The following DHX33 variants were observed in gnomAD, a reference collection of about 807,000 sequenced individuals.
DHX33 encodes the protein ATP-dependent RNA helicase DHX33.
A neutral mutation model predicts 72.5 loss-of-function variants in DHX33; 42 were observed. The observed-to-expected ratio is 0.58, with a 90% CI of 0.45 to 0.75. The LOEUF is 0.75. DHX33 is among the 30% of genes least tolerant of loss of function. The probability of loss-of-function intolerance (pLI) is 0.00; values close to 1 mark genes in which losing one functional copy is unlikely to be tolerated. For missense variants in DHX33, 842 were observed against 917.5 expected, an observed-to-expected ratio of 0.92 and a Z score of 1.06; for synonymous variants, 358 against 366.1, an observed-to-expected ratio of 0.98 and a Z score of 0.25.
intron 1 of DHX33, among the ~76,000 whole-genome samples, chr17:5,467,436 C>T (rs1164938103): frequency 6.6e-6 from 1 of 152,164 alleles, no homozygotes; most frequent in Admixed American, 6.5e-5. Context: ...GCAGGAACAT[C>T]ACCATCTTGG....
intron 1 of DHX33, 56 bp downstream of exon 1, chr17:5,468,515 C>A: frequency 2.6e-6 from 4 of 1,561,292 alleles, no homozygotes; most frequent in Admixed American, 3.8e-5. Context: ...AGAAAAACTG[C>A]TCTAGCTAAG....
intron 10 of DHX33, 56 bp downstream of exon 10, chr17:5,450,147 G>A: frequency 6.3e-7 from 1 of 1,595,400 alleles, no homozygotes; most frequent in Non-Finnish European, 8.6e-7. Context: ...AAAAAGGGAA[G>A]CACATAGCAG....
rs756315860 is a variant in DHX33, at chr17:5,462,419, A to G, written c.578T>C (p.Leu193Ser). Residue 193 changes from leucine (L) to serine (S), a missense_variant, in exon 3 of 12, where the codon TTG becomes TCG. Physicochemically the swap from Leu to Ser is moderately radical, Grantham distance 145 (BLOSUM62 -2). Transcript: ENST00000225296. ...GATAGTCCGTTCGTGAGCTTCATCC[A>G]AAATGACACAGCTGTATTTCCGAAG... ...SLLRKYSCVI[L>S]DEAHERTIHT... The G allele has an allele frequency of 3.7e-6, 6 of 1,614,260 alleles. No individual in the cohort carries two copies. Among genetic ancestry groups the G allele is most frequent in the Non-Finnish European group, 5.1e-6 (6 of 1,180,040 alleles).
intron 1 of DHX33, among the ~76,000 whole-genome samples, chr17:5,467,523 C>T (rs1218472524): frequency 6.6e-6 from 1 of 152,190 alleles, no homozygotes; most frequent in Non-Finnish European, 1.5e-5. Context: ...TGGCTAAGGT[C>T]AGCACGACCA....
Position 5,444,331 on chromosome 17 carries a change from G to A in DHX33, c.1998C>T (p.Val666=), listed in dbSNP as rs111628161. 1.8e-5 allele frequency: 29 copies of A among 1,614,106 alleles called. No homozygotes were observed. The highest frequency in any genetic ancestry group is 1.2e-4 in the African/African-American group (9 of 74,996). The part of the protein sequence containing the change: ...SVLFHCKPAC[V]VYTELLYTNK... ...TGGTGTAGAGCAGCTCAGTGTACAC[G>A]ACGCAGGCCGGCTTGCAGTGGAAGA... Residue 666 remains valine, a synonymous_variant, in exon 12 of 12, where the codon GTC becomes GTT. Transcript: ENST00000225296. This position sits in a 1 kb window ranked among gnomAD's most constrained non-coding sequence, Gnocchi z 4.9.
At chr17:5,456,488 C>T (rs1904332706) in intron 4 of DHX33, among the ~76,000 whole-genome samples, 1 of 152,138 alleles carries the variant, frequency 6.6e-6, no homozygotes, top group African/African-American at 2.4e-5. Context: ...CTCTACAAAA[C>T]ACTTTTTTTT....
intron 8 of DHX33, among the ~76,000 whole-genome samples, chr17:5,453,332 T>A (rs1423289745): frequency 6.6e-6 from 1 of 152,174 alleles, no homozygotes; most frequent in Non-Finnish European, 1.5e-5. Flanking sequence ...GAGGCTGTGA[T>A]GGAGCCTGTG....
chr17:5,462,834 C>T (rs1162215325), intron 2 of DHX33, among the ~76,000 whole-genome samples: 1 of 152,106 alleles, frequency 6.6e-6, no homozygotes, highest in African/African-American at 2.4e-5. Context: ...AATCCCAGCA[C>T]TTTGGGAGGT....
At chr17:5,450,985 T>G in intron 8 of DHX33, 51 bp from the exon 9 acceptor site, 1 of 1,598,178 alleles carries the variant, frequency 6.3e-7, no homozygotes, top group Non-Finnish European at 8.5e-7. Flanking sequence ...AAAATGAAGT[T>G]GCAGCTAGTT....
chr17:5,456,839 C>G (rs1240959396), intron 4 of DHX33, among the ~76,000 whole-genome samples: 1 of 152,172 alleles, frequency 6.6e-6, no homozygotes, highest in Non-Finnish European at 1.5e-5. Flanking sequence ...CAGGCGCAGC[C>G]ATGCTGGAGA....
Position 5,468,960 on chromosome 17 carries a change from G to GTTTT in DHX33, c.-102_-101insAAAA. ...CACCGCCCCTTCCTCGCCGCCACGTGCTGGCGGCTCCCGGCGACCACCGAT... is the reference window on the plus strand; with the variant it reads ...CACCGCCCCTTCCTCGCCGCCACGTGTTTTCTGGCGGCTCCCGGCGACCACCGAT... On this transcript the variant is annotated 5_prime_UTR_variant, in exon 1 of 12. Transcript: ENST00000225296. 5 of 982,864 alleles carry GTTTT rather than the reference G, an allele frequency of 5.1e-6. No homozygotes were observed. Among genetic ancestry groups the GTTTT allele is most frequent in the South Asian group, 1.6e-5 (1 of 62,288 alleles). 60.9% of individuals were successfully genotyped at this position (982,864 alleles called of 1,614,324 possible).
Position 5,468,714 on chromosome 17 carries a change from CG to C in DHX33, c.145del (p.Arg49GlyfsTer76). 6.2e-7 allele frequency: 1 copy of C among 1,611,190 alleles called. No homozygotes were observed. Among genetic ancestry groups the C allele is most frequent in the Non-Finnish European group, 8.5e-7 (1 of 1,179,158 alleles). Reference protein sequence around the residue: ...GSGGRGGGGGRRQQPPLAQPS... With the variant: ...GSGGRGGGGGXRQQPPLAQPS... ...CTGGGCCAGGGGCGGCTGCTGCCTC[CG>C]GCCTCCTCCTCCTCCTCTGCCGCCG... is the stretch of plus-strand genomic sequence containing the variant. On this transcript the variant is annotated frameshift_variant, in exon 1 of 12. Coordinates refer to ENST00000225296, the MANE Select transcript of DHX33 (RefSeq NM_020162.4). LOFTEE classifies it high-confidence loss of function.
intron 1 of DHX33, 49 bp from the exon 2 acceptor site, chr17:5,463,738 GGGCTCGGCACCA>G: frequency 2.0e-6 from 3 of 1,533,736 alleles, no homozygotes; most frequent in Non-Finnish European, 2.6e-6. Context: ...ATGCAAACTG[GGGCTCGGCACCA>G]GGGCTGGCAC....
At chr17:5,465,588 C>G (rs531492541) in intron 1 of DHX33, among the ~76,000 whole-genome samples, 1 of 152,320 alleles carries the variant, frequency 6.6e-6, no homozygotes, top group African/African-American at 2.4e-5. Context: ...ACTTTTTGAG[C>G]ATCTGATATG....
chr17:5,467,528 C>A (rs1296050812), intron 1 of DHX33, among the ~76,000 whole-genome samples: 1 of 152,188 alleles, frequency 6.6e-6, no homozygotes, highest in Non-Finnish European at 1.5e-5. Context: ...AAGGTCAGCA[C>A]GACCATAAAC....
chr17:5,451,095 G>A (rs1304521135), intron 8 of DHX33, among the ~76,000 whole-genome samples, 161 bp from the exon 9 acceptor site: 1 of 152,162 alleles, frequency 6.6e-6, no homozygotes, highest in African/African-American at 2.4e-5. Context: ...CGACATCACT[G>A]TCTTTAGTTC....
Position 5,456,120 on chromosome 17 carries a change from C to T in DHX33, c.912G>A (p.Met304Ile), listed in dbSNP as rs1185005217. ...TTGCAATGTCTCGGCACGTCTTGCTCATGGCTTCGATCTCCTCCTGCCCAG... is the reference window on the plus strand; with the variant it reads ...TTGCAATGTCTCGGCACGTCTTGCTTATGGCTTCGATCTCCTCCTGCCCAG... ...FLTGQEEIEA[M>I]SKTCRDIAKH... The change falls in exon 5 of 12, where the codon ATG (methionine) becomes ATA (isoleucine). Residue 304 changes from methionine (M) to isoleucine (I), a missense_variant. Transcript: ENST00000225296. 2 of 1,614,122 alleles carry T rather than the reference C, an allele frequency of 1.2e-6. No individual in the cohort carries two copies. Among genetic ancestry groups the T allele is most frequent in the South Asian group, 1.1e-5 (1 of 91,088 alleles).
rs1312833821 is a variant in DHX33, at chr17:5,441,551, T to C, written c.*2654A>G. 6.6e-6 allele frequency: 1 copy of C among 152,244 alleles called. No individual in the cohort carries two copies. Among genetic ancestry groups the C allele is most frequent in the Non-Finnish European group, 1.5e-5 (1 of 68,040 alleles). The allele number at this position is 152,244 out of a possible 1,614,324, so 9.4% of individuals were successfully genotyped here. ...TATTGCAATGTTATTGTGAAACATTTAACTTTCTTAAGTTTAAAGTGTACT... is the reference window on the plus strand; with the variant it reads ...TATTGCAATGTTATTGTGAAACATTCAACTTTCTTAAGTTTAAAGTGTACT... On this transcript the variant is annotated 3_prime_UTR_variant, in exon 12 of 12. Coordinates refer to ENST00000225296, the MANE Select transcript of DHX33 (RefSeq NM_020162.4).
At chr17:5,467,128 C>T (rs1324158844) in intron 1 of DHX33, among the ~76,000 whole-genome samples, 1 of 152,210 alleles carries the variant, frequency 6.6e-6, no homozygotes, top group Non-Finnish European at 1.5e-5. Context: ...CCAAAACCAC[C>T]AAATGGACTC....
Sources: gnomAD v4.1 joint callset for allele counts (sites outside exome capture counted in the v4.1 genomes callset) on GRCh38, gnomAD v4.1.1 for gene constraint, Gnocchi (gnomAD v3.1) non-coding constraint, MANE v1.5 for transcripts, NCBI Gene and HGNC (gene_info 2026-07-23, HGNC 2026-07-21) for gene names.